The following PARD3 variants were observed in gnomAD, a reference collection of about 807,000 sequenced individuals.
The protein encoded by PARD3 is partitioning defective 3 homolog.
PARD3 carries 75 observed loss-of-function variants against 155.4 expected under a neutral mutation model. The observed-to-expected ratio is 0.48, with a 90% CI of 0.40 to 0.58. PARD3 has a LOEUF of 0.58. Ranked by LOEUF, PARD3 falls within the 20% of genes least tolerant of loss-of-function variation. The probability of loss-of-function intolerance (pLI) is 0.00; values close to 1 mark genes in which losing one functional copy is unlikely to be tolerated. For missense variants in PARD3, 1,642 were observed against 1,721.7 expected (o/e 0.95, Z 0.82); for synonymous variants, 576 against 610.5 (o/e 0.94, Z 0.83).
chr10:34,309,896 CAAAAAA>C (rs552115285), intron 20 of PARD3, among the ~76,000 whole-genome samples: 1 of 95,582 alleles, frequency 1.0e-5, no homozygotes, highest in Non-Finnish European at 1.9e-5. Context: ...ATCAACCATC[CAAAAAA>C]AAAAAAAAAA....
chr10:34,434,368 ACT>A (rs1216078908), intron 5 of PARD3, among the ~76,000 whole-genome samples: 1 of 152,144 alleles, frequency 6.6e-6, no homozygotes, highest in Non-Finnish European at 1.5e-5. Flanking sequence ...GCTTTCCATG[ACT>A]CATCTTATCT....
intron 3 of PARD3, among the ~76,000 whole-genome samples, chr10:34,484,571 T>C (rs1298771541): frequency 6.6e-6 from 1 of 152,180 alleles, no homozygotes; most frequent in Non-Finnish European, 1.5e-5. Flanking sequence ...CATAAATGTC[T>C]TTCCCTTTAT....
intron 1 of PARD3, among the ~76,000 whole-genome samples, chr10:34,754,412 G>A (rs998025703): frequency 6.6e-6 from 1 of 152,124 alleles, no homozygotes. Flanking sequence ...TCTACAACCC[G>A]TCTTATGAAA....
chr10:34,185,357 A>T (rs1950438927), intron 22 of PARD3, among the ~76,000 whole-genome samples: 1 of 152,202 alleles, frequency 6.6e-6, no homozygotes, highest in African/African-American at 2.4e-5. Flanking sequence ...TGTCTTTCAT[A>T]TCCTGTCATT....
intron 2 of PARD3, among the ~76,000 whole-genome samples, chr10:34,522,725 C>A (rs543656298): frequency 6.6e-6 from 1 of 152,140 alleles, no homozygotes; most frequent in African/African-American, 2.4e-5. Context: ...AAATGAAGAC[C>A]TTCCACAGAC....
In PARD3 at chr10:34,384,117, G is replaced by C; in HGVS notation, c.1016+12C>G. 1 of 1,611,570 alleles carries C rather than the reference G, an allele frequency of 6.2e-7. No individual in the cohort carries two copies. Among genetic ancestry groups the C allele is most frequent in the Non-Finnish European group, 8.5e-7 (1 of 1,178,622 alleles). ...GCAAGTAAGAACAGAAGTGCAGCGA[G>C]CACACACTTACTGTTCAAATCTTCT... On this transcript the variant is annotated intron_variant, in intron 8 of 24. Coordinates refer to ENST00000374788, the MANE Select transcript of PARD3 (RefSeq NM_001184785.2).
intron 22 of PARD3, among the ~76,000 whole-genome samples, chr10:34,167,778 G>A (rs1378290886): frequency 6.6e-6 from 1 of 152,154 alleles, no homozygotes; most frequent in East Asian, 1.9e-4. Context: ...TCTGCCCTAG[G>A]AATGGAAGGT....
intron 5 of PARD3, among the ~76,000 whole-genome samples, chr10:34,415,739 A>G (rs1215407525): frequency 2.0e-5 from 3 of 152,168 alleles, no homozygotes; most frequent in Admixed American, 6.5e-5. Flanking sequence ...GGTGCAGTGT[A>G]TAGGTGGCAT....
At chr10:34,334,532 A>G (rs1835949656) in intron 18 of PARD3, among the ~76,000 whole-genome samples, 2 of 151,766 alleles carry the variant, frequency 1.3e-5, no homozygotes, top group Admixed American at 1.3e-4. Flanking sequence ...TGAAAACTCA[A>G]GTCAAGTGAA....
At chr10:34,279,698 A>C (rs1956070921) in intron 21 of PARD3, among the ~76,000 whole-genome samples, 1 of 152,182 alleles carries the variant, frequency 6.6e-6, no homozygotes. Context: ...AATTAGAAAG[A>C]GAGGAAACGG....
intron 5 of PARD3, among the ~76,000 whole-genome samples, chr10:34,430,085 A>T (rs1462805718): frequency 6.6e-6 from 1 of 152,246 alleles, no homozygotes; most frequent in East Asian, 1.9e-4. Flanking sequence ...AGTACTTCTT[A>T]GTAAGATATT....
At chr10:34,256,428 C>A (rs540029156) in intron 22 of PARD3, among the ~76,000 whole-genome samples, 1 of 152,232 alleles carries the variant, frequency 6.6e-6, no homozygotes, top group Non-Finnish European at 1.5e-5. Context: ...TGGCCTCTCT[C>A]GGAGACAATC....
intron 2 of PARD3, among the ~76,000 whole-genome samples, chr10:34,641,508 T>A (rs2092677857): frequency 6.6e-6 from 1 of 152,170 alleles, no homozygotes; most frequent in African/African-American, 2.4e-5. Flanking sequence ...GAAGATTACA[T>A]ACTAGTAAAA....
chr10:34,805,083 C>T (rs1359404130), intron 1 of PARD3, among the ~76,000 whole-genome samples: 1 of 152,160 alleles, frequency 6.6e-6, no homozygotes, highest in Non-Finnish European at 1.5e-5. Flanking sequence ...AAAGGCTGGG[C>T]GCGGTGGCTC....
rs146546215 is a variant in PARD3, at chr10:34,162,576, T to G, written c.3420-30993A>C. ...ACTATGCTATGTGTTATGCATAAAGTGATCACTAGAAGAGTATGCTTCCTG... is the reference window on the plus strand; with the variant it reads ...ACTATGCTATGTGTTATGCATAAAGGGATCACTAGAAGAGTATGCTTCCTG... On this transcript the variant is annotated intron_variant, in intron 22 of 24. Transcript: ENST00000374788. Among the ~76,000 whole-genome samples, 531 of 152,294 alleles carry G rather than the reference T, an allele frequency of 3.5e-3. 5 individuals are homozygous for G. The highest frequency in any genetic ancestry group is 0.012 in the African/African-American group (507 of 41,564).
At chr10:34,295,798 G>GGA (rs1306352018) in intron 20 of PARD3, among the ~76,000 whole-genome samples, 32 of 152,264 alleles carry the variant, frequency 2.1e-4, no homozygotes, top group South Asian at 8.3e-4. Flanking sequence ...GGAGTTCAGA[G>GGA]ACTCTATTGA....
At chr10:34,150,739 C>T (rs548856967) in intron 22 of PARD3, among the ~76,000 whole-genome samples, 12 of 152,188 alleles carry the variant, frequency 7.9e-5, no homozygotes, top group Non-Finnish European at 1.5e-4. Flanking sequence ...TCAGGGGCTG[C>T]CAATCCAATT....
At chr10:34,221,435 T>C (rs1952285253) in intron 22 of PARD3, among the ~76,000 whole-genome samples, 1 of 148,724 alleles carries the variant, frequency 6.7e-6, no homozygotes, top group South Asian at 2.1e-4. Flanking sequence ...CTATTTATGG[T>C]GTACAATACG....
In PARD3 at chr10:34,119,757, C is replaced by T. The variant is rs371401369; in HGVS notation, c.3541-17G>A. ...TGCGTTCGGCTGGAAGAGGAAAATA[C>T]AAGCACATCGTTAACCAGAAAGTTC... On this transcript the variant is annotated splice_polypyrimidine_tract_variant and intron_variant, in intron 23 of 24. Transcript: ENST00000374788. 3.1e-6 allele frequency: 5 copies of T among 1,606,198 alleles called. No homozygotes were observed. In the African/African-American group the frequency reaches 6.7e-5, roughly 21 times the overall value.
Sources: allele counts gnomAD v4.1 joint callset (sites outside exome capture counted in the v4.1 genomes callset), GRCh38; gene constraint gnomAD v4.1.1; transcripts MANE v1.5; gene names NCBI Gene and HGNC (gene_info 2026-07-23, HGNC 2026-07-21).